TMEM80: variants seen among roughly 807,000 people sequenced by gnomAD.
TMEM80 encodes the protein transmembrane protein 80.
TMEM80 carries 16 observed loss-of-function variants against 13.6 expected under a neutral mutation model. That is an observed-to-expected ratio of 1.17 (90% confidence interval 0.79 to 1.78). The LOEUF is 1.78. TMEM80 is among the 40% of genes most tolerant of loss of function. TMEM80 has a pLI of 0.00. For missense variants in TMEM80, 167 were observed against 184.6 expected (o/e 0.90, Z 0.55); for synonymous variants, 92 against 89.5 (o/e 1.03, Z -0.16).
chr11:698,933 A>G (rs776448197), intron 2 of TMEM80, 45 bp downstream of exon 2: 6 of 1,613,056 alleles, frequency 3.7e-6, no homozygotes, highest in Middle Eastern at 1.6e-4. Context: ...AGAGGCCCGA[A>G]TTGCTGCTGC....
chr11:695,923 C>T, intron 1 of TMEM80, 77 bp downstream of exon 1: 2 of 1,121,978 alleles, frequency 1.8e-6, no homozygotes, highest in Non-Finnish European at 2.2e-6. Flanking sequence ...AATCCGGTTT[C>T]CGCTTTCGGT....
intron 4 of TMEM80, 131 bp downstream of exon 4, chr11:700,838 C>G (rs1564962349): frequency 7.0e-6 from 6 of 857,112 alleles, no homozygotes; most frequent in East Asian, 2.4e-5. Flanking sequence ...TACCCAGTTG[C>G]TTTGCAGGCT....
In TMEM80 at chr11:704,097, T is replaced by C. The variant is rs1337249056; in HGVS notation, c.*947T>C. On this transcript the variant is annotated 3_prime_UTR_variant, in exon 5 of 5. Transcript: ENST00000397510. ...CTAGATATTTTCTCTTCACCGCATT[T>C]TGTAAATAAAGAGATGTGTATGCCT... 9.1e-7 allele frequency: 1 copy of C among 1,098,764 alleles called. No individual in the cohort carries two copies. Among genetic ancestry groups the C allele is most frequent in the Non-Finnish European group, 1.1e-6 (1 of 898,854 alleles). The allele number at this position is 1,098,764 out of a possible 1,614,324, so 68.1% of individuals were successfully genotyped here.
intron 2 of TMEM80, chr11:699,797 A>G (rs1861361170): frequency 4.0e-6 from 1 of 248,904 alleles, no homozygotes; most frequent in African/African-American, 2.2e-5. Context: ...CTCTTAACTC[A>G]TAACTGGGGC....
chr11:697,734 G>C (rs915244261), intron 1 of TMEM80: 1 of 152,262 alleles, frequency 6.6e-6, no homozygotes, highest in Non-Finnish European at 1.5e-5. Flanking sequence ...GAAAAGAACA[G>C]ATCGGGTTTA....
At chr11:704,516 C>T (rs753418722), downstream of TMEM80, 37 of 1,289,450 alleles carry the variant, frequency 2.9e-5, no homozygotes, top group South Asian at 4.6e-4. Context: ...GGGCCACCTC[C>T]CTCACCAGCG....
In TMEM80 at chr11:703,536, C is replaced by T; in HGVS notation, c.*386C>T. On this transcript the variant is annotated 3_prime_UTR_variant, in exon 5 of 5. Coordinates refer to ENST00000397510, the MANE Select transcript of TMEM80 (RefSeq NM_001042463.3). ...ACAGAGGCCTCATCTCACTGCATCC[C>T]CCATCACCCCCTAGTTCCCCAATGG... 2 of 1,234,994 alleles carry T rather than the reference C, an allele frequency of 1.6e-6. No individual in the cohort carries two copies. The highest frequency in any genetic ancestry group is 1.0e-6 in the Non-Finnish European group (1 of 990,218). The allele number at this position is 1,234,994 out of a possible 1,614,324, so 76.5% of individuals were successfully genotyped here.
intron 2 of TMEM80, chr11:699,288 G>A: frequency 4.2e-6 from 1 of 238,914 alleles, no homozygotes; most frequent in African/African-American, 2.2e-5. Context: ...GGCAATCACA[G>A]CTCACTGCAG....
chr11:698,582 G>A (rs1268534106), intron 1 of TMEM80, among the ~76,000 whole-genome samples: 2 of 152,180 alleles, frequency 1.3e-5, no homozygotes, highest in Non-Finnish European at 1.5e-5. Context: ...TGCTTTCCCT[G>A]AGGGCCAGCT....
chr11:700,133 A>G lies in TMEM80; in HGVS notation c.40-9A>G, dbSNP rs1001554317. 5 of 1,613,022 alleles carry G rather than the reference A, an allele frequency of 3.1e-6. No homozygotes were observed. In the African/African-American group the frequency reaches 6.7e-5, roughly 22 times the overall value. ...CTGTTGAGCTTGAGGATCCTTAACC[A>G]CTCACCAGCTCTCTTCAGTTCCCCT... On this transcript the variant is annotated splice_polypyrimidine_tract_variant and intron_variant, in intron 2 of 4. Coordinates refer to ENST00000397510, the MANE Select transcript of TMEM80 (RefSeq NM_001042463.3).
chr11:700,571 C>T (rs1861405046), intron 3 of TMEM80, 44 bp from the exon 4 acceptor site: 2 of 1,469,436 alleles, frequency 1.4e-6, no homozygotes, highest in Non-Finnish European at 9.5e-7. Context: ...GCTGCTGCTG[C>T]TGTGCCAGGT....
chr11:696,014 C>A (rs1281572780), intron 1 of TMEM80, among the ~76,000 whole-genome samples, 168 bp downstream of exon 1: 1 of 152,154 alleles, frequency 6.6e-6, no homozygotes, highest in East Asian at 1.9e-4. Context: ...CTGGCCTGGC[C>A]TGGGTGGCGG....
chr11:700,026 T>C, intron 2 of TMEM80, 116 bp from the exon 3 acceptor site: 1 of 768,744 alleles, frequency 1.3e-6, no homozygotes. Context: ...CAAGACTCCA[T>C]GGTCCCTTGG....
intron 1 of TMEM80, among the ~76,000 whole-genome samples, chr11:696,998 G>C (rs1861210574): frequency 7.2e-6 from 1 of 138,812 alleles, no homozygotes; most frequent in Non-Finnish European, 1.6e-5. Flanking sequence ...AGAATTGCTC[G>C]AACCCGGTGG....
chr11:697,144 C>T (rs948149547), intron 1 of TMEM80, among the ~76,000 whole-genome samples: 7 of 150,542 alleles, frequency 4.6e-5, no homozygotes, highest in Admixed American at 2.6e-4. Flanking sequence ...GTCCCAGCTA[C>T]GTGGGAGGCT....
chr11:700,338 C>A, intron 3 of TMEM80, 103 bp downstream of exon 3: 1 of 1,075,070 alleles, frequency 9.3e-7, no homozygotes, highest in Non-Finnish European at 1.4e-6. Flanking sequence ...ACCAGCCAGG[C>A]CAACATGGGG....
downstream of TMEM80, chr11:704,486 C>T (rs144010382): frequency 1.6e-6 from 2 of 1,289,400 alleles, no homozygotes; most frequent in African/African-American, 3.0e-5. Context: ...CCACTTCACA[C>T]ACCAGCGCCT....
Position 703,172 on chromosome 11 carries a change from C to T in TMEM80, c.*22C>T. ...GTAGCTACGGACACCCGGGATACCC[C>T]ACACTGGGGCCCTCCTCCTGGGCCT... is the stretch of plus-strand genomic sequence containing the variant. On this transcript the variant is annotated 3_prime_UTR_variant, in exon 5 of 5. Transcript: ENST00000397510. 6.3e-7 allele frequency: 1 copy of T among 1,586,866 alleles called. No homozygotes were observed. The highest frequency in any genetic ancestry group is 8.6e-7 in the Non-Finnish European group (1 of 1,162,090).
At chr11:702,586 C>A (rs1861546418) in intron 4 of TMEM80, among the ~76,000 whole-genome samples, 1 of 152,144 alleles carries the variant, frequency 6.6e-6, no homozygotes, top group Non-Finnish European at 1.5e-5. Flanking sequence ...GGGAATTTTT[C>A]AAAAAAATCC....
Sources: gnomAD v4.1 joint callset for allele counts (sites outside exome capture counted in the v4.1 genomes callset) on GRCh38, gnomAD v4.1.1 for gene constraint, MANE v1.5 for transcripts, NCBI Gene and HGNC (gene_info 2026-07-23, HGNC 2026-07-21) for gene names.